Variants in DOK6 observed in about 807,000 individuals in gnomAD.
DOK6 encodes the protein docking protein 6.
DOK6 carries 22 observed loss-of-function variants against 44.0 expected under a neutral mutation model. The observed-to-expected ratio is 0.50, with a 90% confidence interval of 0.36 to 0.71. The LOEUF is 0.71. DOK6 is among the 30% of genes least tolerant of loss of function. DOK6 has a pLI of 0.00. For missense variants in DOK6, 340 were observed against 416.4 expected (o/e 0.82, Z 1.60); for synonymous variants, 166 against 145.5 (o/e 1.14, Z -1.01).
chr18:69,706,949 A>G (rs1176534793), intron 5 of DOK6, among the ~76,000 whole-genome samples: 18 of 150,232 alleles, frequency 1.2e-4, no homozygotes, highest in Admixed American at 1.1e-3. Flanking sequence ...GGACATTTGG[A>G]TTGGTTCCAA....
chr18:69,406,375 A>G (rs1443876675), intron 1 of DOK6, among the ~76,000 whole-genome samples: 8 of 152,252 alleles, frequency 5.3e-5, no homozygotes, highest in African/African-American at 1.9e-4. Flanking sequence ...AATTTCAAAA[A>G]TTAAGCCAAA....
At chr18:69,798,496 T>C (rs1350560277) in intron 7 of DOK6, among the ~76,000 whole-genome samples, 3 of 152,082 alleles carry the variant, frequency 2.0e-5, no homozygotes, top group Non-Finnish European at 2.9e-5. Flanking sequence ...TAGTACCAAA[T>C]TATACATACA....
intron 5 of DOK6, among the ~76,000 whole-genome samples, chr18:69,715,203 G>C (rs1986855887): frequency 6.6e-6 from 1 of 152,188 alleles, no homozygotes; most frequent in South Asian, 2.1e-4. Context: ...AAAAACTGGA[G>C]ATTAATTTTG....
At chr18:69,446,399 T>C (rs1424094235) in intron 1 of DOK6, among the ~76,000 whole-genome samples, 1 of 152,046 alleles carries the variant, frequency 6.6e-6, no homozygotes, top group Non-Finnish European at 1.5e-5. Flanking sequence ...TCGTTTTTTA[T>C]GGCTGCATAG....
At chr18:69,792,705 G>T (rs774498696) in intron 7 of DOK6, among the ~76,000 whole-genome samples, 1 of 151,882 alleles carries the variant, frequency 6.6e-6, no homozygotes, top group Non-Finnish European at 1.5e-5. Context: ...CTCTAACTAG[G>T]TGCATTGCTA....
intron 1 of DOK6, among the ~76,000 whole-genome samples, chr18:69,562,022 T>C (rs1016880790): frequency 6.6e-6 from 1 of 152,196 alleles, no homozygotes; most frequent in Non-Finnish European, 1.5e-5. Flanking sequence ...CTCATGGGCA[T>C]AAAGAAATTA....
chr18:69,802,726 CT>C (rs1980939736), intron 7 of DOK6, among the ~76,000 whole-genome samples: 1 of 152,156 alleles, frequency 6.6e-6, no homozygotes, highest in Non-Finnish European at 1.5e-5. Context: ...CTGGCTCTCT[CT>C]TGGCCTTCTG....
At chr18:69,736,903 T>C (rs1978626991) in intron 5 of DOK6, among the ~76,000 whole-genome samples, 1 of 152,156 alleles carries the variant, frequency 6.6e-6, no homozygotes, top group Non-Finnish European at 1.5e-5. Flanking sequence ...TGAGTCACCT[T>C]GGGGTGTGTT....
chr18:69,575,291 A>G (rs1983212822), intron 2 of DOK6, among the ~76,000 whole-genome samples: 2 of 152,090 alleles, frequency 1.3e-5, no homozygotes, highest in South Asian at 4.1e-4. Context: ...TTGGCATGGT[A>G]TGAGGCATCT....
chr18:69,433,376 C>T (rs1357599097), intron 1 of DOK6, among the ~76,000 whole-genome samples: 1 of 152,056 alleles, frequency 6.6e-6, no homozygotes, highest in Non-Finnish European at 1.5e-5. Context: ...GTTTTGACTA[C>T]ATATTGCAAT....
At chr18:69,679,964 T>A (rs1445449080) in intron 4 of DOK6, among the ~76,000 whole-genome samples, 1 of 151,742 alleles carries the variant, frequency 6.6e-6, no homozygotes, top group Non-Finnish European at 1.5e-5. Context: ...ACAACACACA[T>A]ACACACACAA....
chr18:69,402,417 A>AT (rs1248539365), intron 1 of DOK6, among the ~76,000 whole-genome samples: 1 of 152,216 alleles, frequency 6.6e-6, no homozygotes, highest in Non-Finnish European at 1.5e-5. Flanking sequence ...GACTTTGCTA[A>AT]TTTTTGTGTA....
chr18:69,531,429 A>G (rs1981983740), intron 1 of DOK6, among the ~76,000 whole-genome samples: 1 of 151,760 alleles, frequency 6.6e-6, no homozygotes, highest in Non-Finnish European at 1.5e-5. Context: ...ATAACTGTCT[A>G]GTCTTTACGA....
intron 3 of DOK6, among the ~76,000 whole-genome samples, chr18:69,634,250 C>T (rs1984753511): frequency 6.6e-6 from 1 of 152,084 alleles, no homozygotes; most frequent in Non-Finnish European, 1.5e-5. Context: ...ATAATAATAC[C>T]TCTTCACTTA....
intron 1 of DOK6, among the ~76,000 whole-genome samples, chr18:69,435,025 G>GGGAAGGAAGGAAGGACGGACGGAA (rs1246684554): frequency 3.2e-4 from 23 of 72,334 alleles, no homozygotes; most frequent in South Asian, 1.3e-3. Context: ...TAGGGAGGGA[G>GGGAAGGAAGGAAGGACGGACGGAA]GGAAGGAAGG....
At chr18:69,523,713 T>A (rs952820360) in intron 1 of DOK6, among the ~76,000 whole-genome samples, 3 of 151,988 alleles carry the variant, frequency 2.0e-5, no homozygotes, top group African/African-American at 4.8e-5. Flanking sequence ...ATTTATTTTG[T>A]TTATGTTGTG....
At position 69,647,013 on chromosome 18, in the gene DOK6, AC is replaced by A. The variant is rs1985091570; in HGVS notation, c.290-30720del. 2.1e-5 allele frequency among the ~76,000 whole-genome samples: 3 copies of A among 140,424 alleles called. 1 individual carries two copies. 92.1% of individuals were successfully genotyped at this position (140,424 alleles called of 152,430 possible). ...TCTAATCTATCTATCTAATCTATCTACTCTATCTCATCTATCCATCTGTCTA... is the reference window on the plus strand; with the variant it reads ...TCTAATCTATCTATCTAATCTATCTATCTATCTCATCTATCCATCTGTCTA... On this transcript the variant is annotated intron_variant, in intron 3 of 7. Coordinates refer to ENST00000382713, the MANE Select transcript of DOK6 (RefSeq NM_152721.6).
chr18:69,713,898 C>A (rs893613018), intron 5 of DOK6, among the ~76,000 whole-genome samples: 3 of 152,200 alleles, frequency 2.0e-5, no homozygotes, highest in African/African-American at 7.2e-5. Context: ...CCAGTCTTGG[C>A]TCTAAGCTCA....
chr18:69,467,774 G>A (rs11151508), intron 1 of DOK6, among the ~76,000 whole-genome samples: 40 of 152,014 alleles, frequency 2.6e-4, no homozygotes, highest in African/African-American at 6.3e-4. Context: ...GTGTAAATAC[G>A]CAGTTTCCTG....
Sources: allele counts gnomAD v4.1 joint callset (sites outside exome capture counted in the v4.1 genomes callset), GRCh38; gene constraint gnomAD v4.1.1; transcripts MANE v1.5; gene names NCBI Gene and HGNC (gene_info 2026-07-23, HGNC 2026-07-21).